STON2: variants seen among roughly 807,000 people sequenced by gnomAD.
STON2 encodes the protein stonin 2, also known as stonin-2.
In STON2, 29 loss-of-function variants were observed where a neutral mutation model predicts 65.7. The ratio of observed to expected loss-of-function variants is 0.44; its 90% confidence interval spans 0.33 to 0.60. The LOEUF (loss-of-function observed/expected upper bound fraction) is 0.60, where lower values mean the gene tolerates loss of function less well. Among genes scored for constraint, STON2 ranks in the 20% least tolerant of loss-of-function variants. STON2 has a pLI of 0.03. For synonymous variants in STON2, 404 were observed against 414.2 expected, an observed-to-expected ratio of 0.98 and a Z score of 0.30; for missense variants, 1,054 against 1,118.1, an observed-to-expected ratio of 0.94 and a Z score of 0.82.
In STON2 at chr14:81,398,586, TAACAAACA is replaced by T; in HGVS notation, c.-198-14_-198-7del. 1 of 476,292 alleles carries T rather than the reference TAACAAACA, an allele frequency of 2.1e-6. No homozygotes were observed. The highest frequency in any genetic ancestry group is 3.7e-6 in the Non-Finnish European group (1 of 270,644). 29.5% of individuals were successfully genotyped at this position (476,292 alleles called of 1,614,324 possible). A position where few individuals can be genotyped will look rare whatever the true frequency, so the allele number is the denominator to read the frequency against. ...TTAATCTGCCAGGCAGAAATCTGTT[TAACAAACA>T]AACAAACAAAAAATTAAAAAGGATA... On this transcript the variant is annotated splice_polypyrimidine_tract_variant and splice_region_variant and intron_variant, in intron 1 of 7. Transcript: ENST00000614646.
chr14:81,305,950 T>C (rs1316338717), intron 5 of STON2, among the ~76,000 whole-genome samples: 1 of 152,028 alleles, frequency 6.6e-6, no homozygotes, highest in Non-Finnish European at 1.5e-5. Flanking sequence ...ATGAAGATAG[T>C]GGTACTCAGC....
chr14:81,285,420 A>G (rs1315737617), intron 5 of STON2, among the ~76,000 whole-genome samples: 2 of 152,216 alleles, frequency 1.3e-5, no homozygotes, highest in Non-Finnish European at 2.9e-5. Context: ...CAGTGAGAGA[A>G]CAAGAAGTGA....
intron 5 of STON2, among the ~76,000 whole-genome samples, chr14:81,295,491 C>A (rs541176893): frequency 6.6e-6 from 1 of 152,104 alleles, no homozygotes; most frequent in Admixed American, 6.5e-5. Context: ...GCTTTTTCAA[C>A]GATCTCCTAA....
intron 1 of STON2, among the ~76,000 whole-genome samples, chr14:81,434,734 C>T (rs1902347892): frequency 6.6e-6 from 1 of 152,082 alleles, no homozygotes; most frequent in Admixed American, 6.5e-5. Context: ...GAACTCCAAG[C>T]AGGTCCGCTA....
intron 5 of STON2, among the ~76,000 whole-genome samples, chr14:81,283,808 C>T (rs889874642): frequency 6.6e-6 from 1 of 152,168 alleles, no homozygotes; most frequent in Non-Finnish European, 1.5e-5. Context: ...GGATTACAGG[C>T]GTGAGCCACT....
chr14:81,324,799 C>T (rs568374916), intron 4 of STON2, among the ~76,000 whole-genome samples: 1 of 152,312 alleles, frequency 6.6e-6, no homozygotes, highest in East Asian at 1.9e-4. Context: ...TCTGATTAAT[C>T]CTGAAATGAA....
Position 81,371,097 on chromosome 14 carries a change from G to A in STON2, c.462C>T (p.Thr154=). ...TAGGACTGCTGGTGTCTTCAGAATG[G>A]GTGGTCCAGCTGCTCTCAGAAGTCA... ...CPLTSESSWT[T]HSEDTSSPSF... is the part of the protein sequence containing the mutation. The change falls in exon 4 of 8, where the codon ACC becomes ACT. Residue 154 remains threonine (T), a synonymous_variant. Transcript: ENST00000614646. 5 of 1,614,110 alleles carry A rather than the reference G, an allele frequency of 3.1e-6. No individual in the cohort carries two copies. Among genetic ancestry groups the A allele is most frequent in the Non-Finnish European group, 4.2e-6 (5 of 1,180,000 alleles).
intron 1 of STON2, among the ~76,000 whole-genome samples, chr14:81,399,447 G>A (rs3915222): frequency 0.18 from 26,742 of 152,048 alleles, 3,031 homozygotes; most frequent in East Asian, 0.43. Context: ...TATTCAGATA[G>A]TTTCTAGAAC....
rs1033584309 is a variant in STON2, at chr14:81,356,897, CT to C, written c.571+14090del. On this transcript the variant is annotated intron_variant, in intron 4 of 7. Coordinates refer to ENST00000614646, the MANE Select transcript of STON2 (RefSeq NM_001394390.1). ...TATTGCATCTATTTGATTCTTCTCT[CT>C]TTTTTTCTTTATTAGTCTTGCTAGC... is the stretch of plus-strand genomic sequence containing the variant. Among the ~76,000 whole-genome samples, 9 of 152,214 alleles carry C rather than the reference CT, an allele frequency of 5.9e-5. No homozygotes were observed. In the East Asian group the frequency reaches 1.5e-3, roughly 26 times the overall value.
At position 81,263,903 on chromosome 14, in the gene STON2, A is replaced by T; in HGVS notation, c.*4511T>A. ...TATGGTGAAATATATATCACCTCTG[A>T]AATCATGACTTTATCTCACAAATTT... On this transcript the variant is annotated 3_prime_UTR_variant, in exon 8 of 8. Coordinates refer to ENST00000614646, the MANE Select transcript of STON2 (RefSeq NM_001394390.1). 1 of 985,412 alleles carries T rather than the reference A, an allele frequency of 1.0e-6. No homozygotes were observed. 61.0% of individuals were successfully genotyped at this position (985,412 alleles called of 1,614,324 possible).
At chr14:81,318,500 T>C (rs1365494164) in intron 5 of STON2, among the ~76,000 whole-genome samples, 1 of 152,202 alleles carries the variant, frequency 6.6e-6, no homozygotes, top group African/African-American at 2.4e-5. Flanking sequence ...CTCTATTTCT[T>C]CACTCTTCTC....
At position 81,265,239 on chromosome 14, in the gene STON2, G is replaced by A. The variant is rs959008973; in HGVS notation, c.*3175C>T. 16 of 983,526 alleles carry A rather than the reference G, an allele frequency of 1.6e-5. No individual in the cohort carries two copies. The highest frequency in any genetic ancestry group is 5.2e-4 in the Middle Eastern group (1 of 1,910). 60.9% of individuals were successfully genotyped at this position (983,526 alleles called of 1,614,324 possible). A position where few individuals can be genotyped will look rare whatever the true frequency, so the allele number is the denominator to read the frequency against. On this transcript the variant is annotated 3_prime_UTR_variant, in exon 8 of 8. Coordinates refer to ENST00000614646, the MANE Select transcript of STON2 (RefSeq NM_001394390.1). ...TTAAACCTAGTAAAACACTCATTAC[G>A]TCTAAAAATATATAGTATTATTATC...
At chr14:81,352,140 GTA>G (rs1187077703) in intron 4 of STON2, among the ~76,000 whole-genome samples, 2 of 152,070 alleles carry the variant, frequency 1.3e-5, no homozygotes, top group Non-Finnish European at 1.5e-5. Context: ...ATTAATGGTA[GTA>G]TTACCATAAT....
intron 5 of STON2, among the ~76,000 whole-genome samples, chr14:81,304,867 G>A (rs1054887513): frequency 3.3e-5 from 5 of 152,124 alleles, no homozygotes; most frequent in Non-Finnish European, 5.9e-5. Context: ...TAAATCATAA[G>A]TTTAAAGTTC....
At chr14:81,329,271 G>A (rs1897115434) in intron 4 of STON2, among the ~76,000 whole-genome samples, 1 of 152,038 alleles carries the variant, frequency 6.6e-6, no homozygotes, top group African/African-American at 2.4e-5. Context: ...GGCTGACACA[G>A]TGAAACCCCG....
chr14:81,347,615 TA>T (rs55784716), intron 4 of STON2, among the ~76,000 whole-genome samples: 2,598 of 72,484 alleles, frequency 0.036, 68 homozygotes, highest in African/African-American at 0.12. Context: ...AAGAAGACAG[TA>T]AAAAAAAAAA....
chr14:81,392,744 T>C (rs1900140113), intron 3 of STON2, among the ~76,000 whole-genome samples: 1 of 152,216 alleles, frequency 6.6e-6, no homozygotes, highest in African/African-American at 2.4e-5. Flanking sequence ...GCAAAAGTGC[T>C]TCATGTATTT....
At chr14:81,385,449 A>G (rs899630304) in intron 3 of STON2, among the ~76,000 whole-genome samples, 49 of 152,204 alleles carry the variant, frequency 3.2e-4, no homozygotes, top group Admixed American at 3.2e-3. Context: ...GTATCTATGT[A>G]TATGTCCATG....
chr14:81,270,538 G>T, intron 7 of STON2, 132 bp downstream of exon 7: 3 of 1,578,874 alleles, frequency 1.9e-6, no homozygotes, highest in Non-Finnish European at 2.6e-6. Context: ...GCTATGTATG[G>T]TGAACTTCCT....
Sources: allele counts gnomAD v4.1 joint callset (sites outside exome capture counted in the v4.1 genomes callset), GRCh38; gene constraint gnomAD v4.1.1; transcripts MANE v1.5; gene names NCBI Gene and HGNC (gene_info 2026-07-23, HGNC 2026-07-21).